The following TNKS variants were observed in gnomAD, a reference collection of about 807,000 sequenced individuals.
TNKS encodes poly [ADP-ribose] polymerase tankyrase-1.
In TNKS, 72 loss-of-function variants were observed where a neutral mutation model predicts 135.8. The observed-to-expected ratio is 0.53, with a 90% CI of 0.44 to 0.64. The LOEUF (loss-of-function observed/expected upper bound fraction) is 0.64, where lower values mean the gene tolerates loss of function less well. TNKS is among the 30% of genes least tolerant of loss of function. The pLI, the probability that TNKS is intolerant of heterozygous loss-of-function variation, is 0.00. For synonymous variants in TNKS, 849 were observed against 649.3 expected (o/e 1.31, Z -4.68); for missense variants, 1,769 against 1,674.0 (o/e 1.06, Z -0.99).
chr8:9,686,942 A>G (rs539674082), intron 5 of TNKS, among the ~76,000 whole-genome samples: 2 of 152,232 alleles, frequency 1.3e-5, no homozygotes, highest in African/African-American at 4.8e-5. Flanking sequence ...ATTATAATAT[A>G]TTTTGTTACT....
At chr8:9,668,179 A>G (rs1802090283) in intron 3 of TNKS, among the ~76,000 whole-genome samples, 1 of 152,196 alleles carries the variant, frequency 6.6e-6, no homozygotes, top group African/African-American at 2.4e-5. Flanking sequence ...GCCAAGCACT[A>G]TATTCTTAAA....
At chr8:9,659,056 T>C (rs1355477246) in intron 3 of TNKS, among the ~76,000 whole-genome samples, 1 of 152,120 alleles carries the variant, frequency 6.6e-6, no homozygotes, top group South Asian at 2.1e-4. Flanking sequence ...ATATATGCAC[T>C]CAATACAGGA....
At chr8:9,746,902 A>ATTTT (rs1806265628) in intron 17 of TNKS, among the ~76,000 whole-genome samples, 1 of 16,162 alleles carries the variant, frequency 6.2e-5, no homozygotes, top group Non-Finnish European at 1.3e-4. Flanking sequence ...TTTTTTTTTG[A>ATTTT]GACGGAGCCT....
At chr8:9,763,063 A>AT (rs66959741) in intron 21 of TNKS, 84 bp from the exon 22 acceptor site, 7,817 of 362,260 alleles carry the variant, frequency 0.022, 6 homozygotes, top group Middle Eastern at 0.039. Flanking sequence ...CTTATTATGA[A>AT]TTTTTTTTTT....
Position 9,752,535 on chromosome 8 carries a change from C to G in TNKS, c.3071-9C>G. On this transcript the variant is annotated splice_polypyrimidine_tract_variant and intron_variant, in intron 19 of 26. Transcript: ENST00000310430. ...CTTTCTGAGAATCTTTAATATGTTTCTGTTTTAGTTGCTGGTCTTGACATG... is the reference window on the plus strand; with the variant it reads ...CTTTCTGAGAATCTTTAATATGTTTGTGTTTTAGTTGCTGGTCTTGACATG... 2.5e-6 allele frequency: 4 copies of G among 1,602,282 alleles called. No individual in the cohort carries two copies. Among genetic ancestry groups the G allele is most frequent in the Non-Finnish European group, 1.7e-6 (2 of 1,172,000 alleles).
chr8:9,619,820 C>T (rs567616177), intron 3 of TNKS, among the ~76,000 whole-genome samples: 1 of 148,750 alleles, frequency 6.7e-6, no homozygotes, highest in Admixed American at 6.7e-5. Context: ...CTAACTGCCT[C>T]CTGCTGCCCT....
At chr8:9,709,347 T>G (rs1016451575) in intron 9 of TNKS, among the ~76,000 whole-genome samples, 1 of 152,188 alleles carries the variant, frequency 6.6e-6, no homozygotes, top group Admixed American at 6.5e-5. Context: ...CTGACCCACT[T>G]TTTTGGAGTT....
In TNKS at chr8:9,627,007, G is replaced by A. The variant is rs139334064; in HGVS notation, c.994+11330G>A. ...CATTGGATAGACCAGAGCATAATTAGAGGGTTGGACTTTCAGCCCAACCAC... is the reference window on the plus strand; with the variant it reads ...CATTGGATAGACCAGAGCATAATTAAAGGGTTGGACTTTCAGCCCAACCAC... On this transcript the variant is annotated intron_variant, in intron 3 of 26. Coordinates refer to ENST00000310430, the MANE Select transcript of TNKS (RefSeq NM_003747.3). Among the ~76,000 whole-genome samples, 713 of 152,256 alleles carry A rather than the reference G, an allele frequency of 4.7e-3. 8 individuals carry two copies. Among genetic ancestry groups the A allele is most frequent in the African/African-American group, 0.016 (680 of 41,546 alleles).
intron 21 of TNKS, among the ~76,000 whole-genome samples, chr8:9,762,493 A>T (rs1239898054): frequency 7.5e-6 from 1 of 133,504 alleles, no homozygotes; most frequent in Non-Finnish European, 1.6e-5. Context: ...TTGTGATGTC[A>T]GTGCCTGTTT....
At chr8:9,753,718 C>G (rs1273019195) in intron 20 of TNKS, among the ~76,000 whole-genome samples, 1 of 152,080 alleles carries the variant, frequency 6.6e-6, no homozygotes, top group African/African-American at 2.4e-5. Context: ...TATAATAACA[C>G]CCATGTTAGT....
intron 3 of TNKS, among the ~76,000 whole-genome samples, chr8:9,637,399 A>G (rs950632203): frequency 6.6e-6 from 1 of 152,108 alleles, no homozygotes; most frequent in Non-Finnish European, 1.5e-5. Context: ...AGTTATATAT[A>G]TTTGGCTCCA....
intron 3 of TNKS, among the ~76,000 whole-genome samples, chr8:9,668,802 G>C (rs969324194): frequency 2.0e-5 from 3 of 152,176 alleles, no homozygotes; most frequent in Non-Finnish European, 4.4e-5. Context: ...AGAGTTGATA[G>C]TGTGTGTTGA....
chr8:9,600,961 T>C (rs1798993250), intron 2 of TNKS, among the ~76,000 whole-genome samples: 1 of 152,212 alleles, frequency 6.6e-6, no homozygotes, highest in African/African-American at 2.4e-5. Flanking sequence ...TGTTAGTCAT[T>C]TGATAGGAAG....
intron 1 of TNKS, among the ~76,000 whole-genome samples, chr8:9,576,514 A>C (rs915893225): frequency 8.8e-5 from 12 of 137,128 alleles, no homozygotes; most frequent in African/African-American, 3.0e-4. Context: ...TCTGTTGCCC[A>C]GGCTGGAGTG....
At chr8:9,766,039 A>G (rs539204997) in intron 24 of TNKS, among the ~76,000 whole-genome samples, 200 bp from the exon 25 acceptor site, 11 of 152,190 alleles carry the variant, frequency 7.2e-5, no homozygotes, top group African/African-American at 1.2e-4. Flanking sequence ...TTAAATTGCA[A>G]ATTGAGCCAC....
At chr8:9,685,494 A>C (rs1369674923) in intron 5 of TNKS, among the ~76,000 whole-genome samples, 1 of 152,162 alleles carries the variant, frequency 6.6e-6, no homozygotes, top group Non-Finnish European at 1.5e-5. Context: ...GAAACTTTCA[A>C]ATGTATCTAG....
intron 26 of TNKS, among the ~76,000 whole-genome samples, chr8:9,770,675 T>C (rs571131257): frequency 1.3e-5 from 2 of 152,212 alleles, no homozygotes; most frequent in East Asian, 1.9e-4. Context: ...GAACTTCAAA[T>C]GAATACCATA....
At chr8:9,621,796 A>G (rs914301399) in intron 3 of TNKS, among the ~76,000 whole-genome samples, 1 of 152,204 alleles carries the variant, frequency 6.6e-6, no homozygotes, top group African/African-American at 2.4e-5. Context: ...CCTAGAAAAT[A>G]AACTACAAGC....
chr8:9,621,100 G>T (rs1261446819), intron 3 of TNKS, among the ~76,000 whole-genome samples: 1 of 152,076 alleles, frequency 6.6e-6, no homozygotes, highest in African/African-American at 2.4e-5. Flanking sequence ...AAATAGTTTT[G>T]AATTGCATAT....
Sources: allele counts gnomAD v4.1 joint callset (sites outside exome capture counted in the v4.1 genomes callset), GRCh38; gene constraint gnomAD v4.1.1; transcripts MANE v1.5; gene names NCBI Gene and HGNC (gene_info 2026-07-23, HGNC 2026-07-21).